The following CELSR3 variants were observed in gnomAD, a reference collection of about 807,000 sequenced individuals.
The protein encoded by CELSR3 is EGF-like protein 1.
CELSR3 carries 73 observed loss-of-function variants against 270.0 expected under a neutral mutation model. The observed-to-expected ratio is 0.27, with a 90% CI of 0.22 to 0.33. CELSR3 has a LOEUF of 0.33. Ranked by LOEUF, CELSR3 falls within the 10% of genes least tolerant of loss-of-function variation. The pLI, the probability that CELSR3 is intolerant of heterozygous loss-of-function variation, is 1.00. For missense variants in CELSR3, 3,614 were observed against 4,533.8 expected (o/e 0.80, Z 5.83); for synonymous variants, 1,780 against 1,905.4 (o/e 0.93, Z 1.71).
At position 48,640,182 on chromosome 3, in the gene CELSR3, C is replaced by T. The variant is rs374341173; in HGVS notation, c.9403G>A (p.Ala3135Thr). The change falls in exon 34 of 35, where the codon GCT (alanine) becomes ACT (threonine). Residue 3135 changes from alanine to threonine, a missense_variant. Around this residue, in one of 7 missense-constraint regions of CELSR3, gnomAD observed 1,240 missense variants for 1,351.7 expected, o/e 0.92. Transcript: ENST00000164024. The surrounding 1 kb of genome is among the most constrained non-coding windows in gnomAD (Gnocchi z 7.5). Reference protein sequence around the residue: ...QPPRDYPGAMAGRFGSRDALD... With the variant: ...QPPRDYPGAMTGRFGSRDALD... ...GCATCCCGTGACCCGAAGCGGCCAGCCATGGCGCCAGGGTAGTCCCGAGGT... is the reference window on the plus strand; with the variant it reads ...GCATCCCGTGACCCGAAGCGGCCAGTCATGGCGCCAGGGTAGTCCCGAGGT... 3 of 1,612,572 alleles carry T rather than the reference C, an allele frequency of 1.9e-6. No homozygotes were observed. The highest frequency in any genetic ancestry group is 2.5e-6 in the Non-Finnish European group (3 of 1,179,952).
Position 48,646,680 on chromosome 3 carries a change from T to C in CELSR3, c.7295+83A>G. 2 of 1,380,446 alleles carry C rather than the reference T, an allele frequency of 1.4e-6. No homozygotes were observed. The highest frequency in any genetic ancestry group is 2.0e-6 in the Non-Finnish European group (2 of 1,006,066). The allele number at this position is 1,380,446 out of a possible 1,614,324, so 85.5% of individuals were successfully genotyped here. On this transcript the variant is annotated intron_variant, in intron 21 of 34. Transcript: ENST00000164024. This position sits in a 1 kb window ranked among gnomAD's most constrained non-coding sequence, Gnocchi z 4.8. The stretch of plus-strand genomic sequence containing the variant: ...GAGCTGTGCTCCTCTCTGTGTGTTG[T>C]GAACCTACGCATCTACCCACCAAAA...
Position 48,654,107 on chromosome 3 carries a change from A to G in CELSR3, c.5153-104T>C. The stretch of plus-strand genomic sequence containing the variant: ...AGGGGCTGAAAGAGACCAAGATCTC[A>G]GCCCCATTTCCCATTTTCTTTCGAT... On this transcript the variant is annotated intron_variant, in intron 7 of 34. Coordinates refer to ENST00000164024, the MANE Select transcript of CELSR3 (RefSeq NM_001407.3). The surrounding 1 kb of genome is among the most constrained non-coding windows in gnomAD (Gnocchi z 5.4). 1 of 1,528,480 alleles carries G rather than the reference A, an allele frequency of 6.5e-7. No homozygotes were observed. The highest frequency in any genetic ancestry group is 8.9e-7 in the Non-Finnish European group (1 of 1,128,510). 94.7% of individuals were successfully genotyped at this position (1,528,480 alleles called of 1,614,324 possible). A position where few individuals can be genotyped will look rare whatever the true frequency, so the allele number is the denominator to read the frequency against.
chr3:48,645,434 A>G lies in CELSR3; in HGVS notation c.7797+9T>C, dbSNP rs376353659. Reference sequence around the variant, plus strand: ...TCAGGACACAAGTTCCCTGGCCCTGATCCTGCACCTGATTGTGGGTCCTGT... The same window carrying G: ...TCAGGACACAAGTTCCCTGGCCCTGGTCCTGCACCTGATTGTGGGTCCTGT... On this transcript the variant is annotated intron_variant, in intron 24 of 34. Coordinates refer to ENST00000164024, the MANE Select transcript of CELSR3 (RefSeq NM_001407.3). This position sits in a 1 kb window ranked among gnomAD's most constrained non-coding sequence, Gnocchi z 5.4. The G allele has an allele frequency of 1.2e-6, 2 of 1,612,730 alleles. No homozygotes were observed. Among genetic ancestry groups the G allele is most frequent in the African/African-American group, 2.7e-5 (2 of 74,902 alleles).
rs1018751916 is a variant in CELSR3, at chr3:48,655,707, C to A, written c.4741+29G>T. ...CCTGCGTCCTCCAGCACACACGCAC[C>A]CTTTCGCCGTCACATCCGGGGCACC... is the stretch of plus-strand genomic sequence containing the variant. On this transcript the variant is annotated intron_variant, in intron 4 of 34. Transcript: ENST00000164024. This position sits in a 1 kb window ranked among gnomAD's most constrained non-coding sequence, Gnocchi z 5.8. 6.3e-7 allele frequency: 1 copy of A among 1,585,308 alleles called. No individual in the cohort carries two copies. The highest frequency in any genetic ancestry group is 1.7e-5 in the Admixed American group (1 of 59,992).
Position 48,652,011 on chromosome 3 carries a change from GC to G in CELSR3, c.5788del (p.Ala1930ProfsTer9). On this transcript the variant is annotated frameshift_variant, in exon 12 of 35. Transcript: ENST00000164024. LOFTEE classifies it high-confidence loss of function. The surrounding 1 kb of genome is among the most constrained non-coding windows in gnomAD (Gnocchi z 4.3). ...WLGSTPSGSP[A>X]LLPPSHRVNA... ...CACTCGGTGGCTGGGGGGTAGCAGG[GC>G]CGGGGAGCCAGAGGGTGTGGAGCCG... The G allele has an allele frequency of 6.3e-7, 1 of 1,581,336 alleles. No individual in the cohort carries two copies. Among genetic ancestry groups the G allele is most frequent in the Non-Finnish European group, 8.6e-7 (1 of 1,166,602 alleles).
Position 48,656,342 on chromosome 3 carries a change from C to G in CELSR3, c.4423G>C (p.Glu1475Gln). Residue 1475 changes from glutamate (E) to glutamine (Q), a missense_variant, in exon 3 of 35, where the codon GAG becomes CAG. Glu to Gln is a conservative substitution (Grantham distance 29). Coordinates refer to ENST00000164024, the MANE Select transcript of CELSR3 (RefSeq NM_001407.3). Reference protein sequence around the residue: ...FTGEDCELDTEAGRCVPGVCR... With the variant: ...FTGEDCELDTQAGRCVPGVCR... The stretch of plus-strand genomic sequence containing the variant: ...ACGCCCGGCACGCAGCGGCCGGCCT[C>G]GGTGTCCAGCTCGCAGTCCTCTCCT... 1 of 1,433,838 alleles carries G rather than the reference C, an allele frequency of 7.0e-7. No individual in the cohort carries two copies. Among genetic ancestry groups the G allele is most frequent in the Non-Finnish European group, 9.0e-7 (1 of 1,108,084 alleles). The allele number at this position is 1,433,838 out of a possible 1,614,324, so 88.8% of individuals were successfully genotyped here.
In CELSR3 at chr3:48,659,545, T is replaced by C. The variant is rs3733089; in HGVS notation, c.3090A>G (p.Val1030=). 3.9e-4 allele frequency: 634 copies of C among 1,614,190 alleles called. 9 individuals are homozygous for C. In the East Asian group the frequency reaches 0.014, roughly 36 times the overall value. Residue 1030 remains valine, a synonymous_variant, in exon 1 of 35, where the codon GTA becomes GTG. Transcript: ENST00000164024. The surrounding 1 kb of genome is among the most constrained non-coding windows in gnomAD (Gnocchi z 8.1). ...RTVRRLDREA[V]SVYELTAYAV... is the part of the protein sequence containing the mutation. ...CGTAGGCAGTCAACTCATACACTGA[T>C]ACTGCCTCCCGGTCTAGCCGCCTTA...
Position 48,661,445 on chromosome 3 carries a change from T to A in CELSR3, c.1190A>T (p.Glu397Val), listed in dbSNP as rs768530141. The change falls in exon 1 of 35, where the codon GAG (glutamate) becomes GTG (valine). Residue 397 changes from glutamate to valine, a missense_variant. Physicochemically the swap from Glu to Val is moderately radical, Grantham distance 121. Transcript: ENST00000164024. ...CGCGGTCACACGCAGGTAGTGACGC[T>A]CCATGCTCTCGCGGTCCAGAGCTGC... ...TAAALDRESMERHYLRVTAQD... is the reference protein window; with the variant it reads ...TAAALDRESMVRHYLRVTAQD... The A allele has an allele frequency of 1.2e-6, 2 of 1,610,736 alleles. No individual in the cohort carries two copies. The highest frequency in any genetic ancestry group is 2.2e-5 in the South Asian group (2 of 90,992).
In CELSR3 at chr3:48,659,793, C is replaced by T. The variant is rs2077052739; in HGVS notation, c.2842G>A (p.Glu948Lys). ...TCATTCACGTCATTGACCATCACCT[C>T]CACATAAGTAGTGTCTGCCTTCTGT... ...IPQKADTTYV[E>K]VMVNDVNDNA... Residue 948 changes from glutamate to lysine, a missense_variant, in exon 1 of 35, where the codon GAG becomes AAG. Glu to Lys is a moderately conservative substitution (Grantham distance 56). Coordinates refer to ENST00000164024, the MANE Select transcript of CELSR3 (RefSeq NM_001407.3). The surrounding 1 kb of genome is among the most constrained non-coding windows in gnomAD (Gnocchi z 8.1). 6.2e-7 allele frequency: 1 copy of T among 1,614,224 alleles called. No individual in the cohort carries two copies. The highest frequency in any genetic ancestry group is 8.5e-7 in the Non-Finnish European group (1 of 1,180,046).
At position 48,644,351 on chromosome 3, in the gene CELSR3, A is replaced by T. The variant is rs1175905024; in HGVS notation, c.8086-56T>A. On this transcript the variant is annotated intron_variant, in intron 26 of 34. Transcript: ENST00000164024. This position sits in a 1 kb window ranked among gnomAD's most constrained non-coding sequence, Gnocchi z 4.8. ...GCAGGGCAGAGAGAGAGAGAGAGAG[A>T]GAGGCAATGAGAGACAGAGAGAGAC... The T allele has an allele frequency of 6.9e-7, 1 of 1,454,328 alleles. No homozygotes were observed. The highest frequency in any genetic ancestry group is 1.4e-5 in the African/African-American group (1 of 71,838). 90.1% of individuals were successfully genotyped at this position (1,454,328 alleles called of 1,614,324 possible). A position where few individuals can be genotyped will look rare whatever the true frequency, so the allele number is the denominator to read the frequency against.
intron 18 of CELSR3, 128 bp from the exon 19 acceptor site, chr3:48,648,589 G>A: frequency 7.2e-7 from 1 of 1,380,498 alleles, no homozygotes; most frequent in Non-Finnish European, 9.7e-7. Context: ...GGCTGGAGAG[G>A]ACAAGGACAG....
chr3:48,645,124 T>G lies in CELSR3; in HGVS notation c.7883A>C (p.Tyr2628Ser). The G allele has an allele frequency of 1.2e-6, 2 of 1,605,770 alleles. No individual in the cohort carries two copies. ...AWLFVQGLHL[Y>S]RMQVEPRNVD... ...GTTGCGTGGCTCAACCTGCATGCGG[T>G]AGAGGTGCAGCCCCTGCACGAAGAG... Residue 2628 changes from tyrosine to serine, a missense_variant, in exon 25 of 35, where the codon TAC (tyrosine) becomes TCC (serine). Coordinates refer to ENST00000164024, the MANE Select transcript of CELSR3 (RefSeq NM_001407.3). The surrounding 1 kb of genome is among the most constrained non-coding windows in gnomAD (Gnocchi z 5.4).
At position 48,648,077 on chromosome 3, in the gene CELSR3, C is replaced by G. The variant is rs984678344; in HGVS notation, c.6974-81G>C. On this transcript the variant is annotated intron_variant, in intron 19 of 34. Transcript: ENST00000164024. ...GTTCTACTCCCTCTTACTCGCATCC[C>G]GCACCTGAGTCCCACAATCTGTTTT... The G allele has an allele frequency of 2.6e-6, 4 of 1,537,254 alleles. No homozygotes were observed. The Admixed American group carries it at 5.2e-5, about 20-fold the overall frequency.
In CELSR3 at chr3:48,644,244, G is replaced by T. The variant is rs370939789; in HGVS notation, c.8137C>A (p.Gln2713Lys). Residue 2713 changes from glutamine to lysine, a missense_variant, in exon 27 of 35, where the codon CAG becomes AAG. Gln to Lys is a moderately conservative substitution (Grantham distance 53). This residue lies in a region of CELSR3 where 1,240 missense variants were observed against 1,351.7 expected (regional missense o/e 0.92). Transcript: ENST00000164024. This position sits in a 1 kb window ranked among gnomAD's most constrained non-coding sequence, Gnocchi z 4.8. ...LAARTSCSTGQREAKKTSALT... is the reference protein window; with the variant it reads ...LAARTSCSTGKREAKKTSALT... Reference sequence around the variant, plus strand: ...GCAGAGGTCTTCTTGGCCTCCCTCTGCCCTGTGGAGCAGGATGTGCGGGCA... The same window carrying T: ...GCAGAGGTCTTCTTGGCCTCCCTCTTCCCTGTGGAGCAGGATGTGCGGGCA... 52 of 1,613,058 alleles carry T rather than the reference G, an allele frequency of 3.2e-5. No individual in the cohort carries two copies. The South Asian group carries it at 5.1e-4, about 16-fold the overall frequency.
At position 48,652,192 on chromosome 3, in the gene CELSR3, A is replaced by C; in HGVS notation, c.5752-144T>G. On this transcript the variant is annotated intron_variant, in intron 11 of 34. Transcript: ENST00000164024. The surrounding 1 kb of genome is among the most constrained non-coding windows in gnomAD (Gnocchi z 4.3). ...AAACCCAGGCCTCAAAAATATCCCC[A>C]ATTTGGTACCCCTGTGGGACCCTAA... is the stretch of plus-strand genomic sequence containing the variant. 1 of 873,724 alleles carries C rather than the reference A, an allele frequency of 1.1e-6. No individual in the cohort carries two copies. Among genetic ancestry groups the C allele is most frequent in the Non-Finnish European group, 1.7e-6 (1 of 591,184 alleles). 54.1% of individuals were successfully genotyped at this position (873,724 alleles called of 1,614,324 possible). A position where few individuals can be genotyped will look rare whatever the true frequency, so the allele number is the denominator to read the frequency against.
chr3:48,657,423 G>A lies in CELSR3; in HGVS notation c.3749-75C>T. 1.4e-6 allele frequency: 2 copies of A among 1,413,534 alleles called. No homozygotes were observed. Among genetic ancestry groups the A allele is most frequent in the Non-Finnish European group, 1.9e-6 (2 of 1,070,620 alleles). The allele number at this position is 1,413,534 out of a possible 1,614,324, so 87.6% of individuals were successfully genotyped here. On this transcript the variant is annotated intron_variant, in intron 1 of 34. Coordinates refer to ENST00000164024, the MANE Select transcript of CELSR3 (RefSeq NM_001407.3). The surrounding 1 kb of genome is among the most constrained non-coding windows in gnomAD (Gnocchi z 5.4). Reference sequence around the variant, plus strand: ...CTCCCTGGGACACAAGAGGGCTGGGGCCAGCGATAGCCTAGGCCCCCAGAA... The same window carrying A: ...CTCCCTGGGACACAAGAGGGCTGGGACCAGCGATAGCCTAGGCCCCCAGAA...
chr3:48,639,426 T>C lies in CELSR3; in HGVS notation c.9911+248A>G, dbSNP rs2270155. The stretch of plus-strand genomic sequence containing the variant: ...CCCATCGGATGGCACCTATTTCTCC[T>C]TAGCCTGGGAGGTGCTGGGAAGGCT... On this transcript the variant is annotated intron_variant, in intron 34 of 34. Transcript: ENST00000164024. The surrounding 1 kb of genome is among the most constrained non-coding windows in gnomAD (Gnocchi z 4.1). Among the ~76,000 whole-genome samples the C allele has an allele frequency of 2.7e-3, 414 of 152,274 alleles. 14 individuals carry two copies. The East Asian group carries it at 0.059, about 22-fold the overall frequency.
chr3:48,658,292 A>C lies in CELSR3; in HGVS notation c.3748+595T>G, dbSNP rs2077038879. On this transcript the variant is annotated intron_variant, in intron 1 of 34. Transcript: ENST00000164024. This position sits in a 1 kb window ranked among gnomAD's most constrained non-coding sequence, Gnocchi z 4.7. ...AGGCAGAACTTCAAGAGCCTCTCCCACCTGCACTCTCCTATTATGGAGGGG... is the reference window on the plus strand; with the variant it reads ...AGGCAGAACTTCAAGAGCCTCTCCCCCCTGCACTCTCCTATTATGGAGGGG... 6.6e-6 allele frequency among the ~76,000 whole-genome samples: 1 copy of C among 152,150 alleles called. No homozygotes were observed. The highest frequency in any genetic ancestry group is 1.5e-5 in the Non-Finnish European group (1 of 68,028).
In CELSR3 at chr3:48,648,263, C is replaced by T. The variant is rs1209137413; in HGVS notation, c.6973+3G>A. The T allele has an allele frequency of 3.1e-6, 5 of 1,602,820 alleles. No homozygotes were observed. The East Asian group carries it at 1.1e-4, about 36-fold the overall frequency. On this transcript the variant is annotated splice_donor_region_variant and intron_variant, in intron 19 of 34. Transcript: ENST00000164024. Reference sequence around the variant, plus strand: ...GCCCCGCCCTACCCCACCCACAACGCACTGATATTAGGCGTCACCAGCCCC... The same window carrying T: ...GCCCCGCCCTACCCCACCCACAACGTACTGATATTAGGCGTCACCAGCCCC...
Sources: gnomAD v4.1 joint callset for allele counts (sites outside exome capture counted in the v4.1 genomes callset) on GRCh38, gnomAD v4.1.1 for gene constraint, gnomAD v4.1.1 regional missense constraint, Gnocchi (gnomAD v3.1) non-coding constraint, MANE v1.5 for transcripts, NCBI Gene and HGNC (gene_info 2026-07-23, HGNC 2026-07-21) for gene names.